Variants in CRB1 observed in about 807,000 individuals in gnomAD.
The protein encoded by CRB1 is crumbs cell polarity complex component 1.
CRB1 carries 83 observed loss-of-function variants against 120.0 expected under a neutral mutation model. The ratio of observed to expected loss-of-function variants is 0.69; its 90% CI spans 0.58 to 0.83. The LOEUF is 0.83. Ranked by LOEUF, CRB1 falls within the 40% of genes least tolerant of loss-of-function variation. CRB1 has a pLI of 0.00. For synonymous variants in CRB1, 625 were observed against 612.5 expected (o/e 1.02, Z -0.30); for missense variants, 1,699 against 1,687.6 (o/e 1.01, Z -0.12).
chr1:197,347,263 CA>C (rs1659828451), intron 3 of CRB1, 76 bp from the exon 4 acceptor site: 1 of 1,328,628 alleles, frequency 7.5e-7, no homozygotes, highest in African/African-American at 1.4e-5. Context: ...GGTTGATAGA[CA>C]GTTGAAGAAA....
chr1:197,310,587 G>C (rs1160388237), intron 1 of CRB1, among the ~76,000 whole-genome samples: 2 of 152,058 alleles, frequency 1.3e-5, no homozygotes, highest in Non-Finnish European at 2.9e-5. Context: ...AGAAGCTTTA[G>C]AGTTCTATCA....
intron 9 of CRB1, among the ~76,000 whole-genome samples, chr1:197,437,453 C>T (rs747706405): frequency 1.3e-5 from 2 of 152,216 alleles, no homozygotes; most frequent in African/African-American, 2.4e-5. Flanking sequence ...GTAACTACTT[C>T]TCCAGAATTT....
intron 1 of CRB1, among the ~76,000 whole-genome samples, chr1:197,270,610 A>G (rs1269806439): frequency 6.6e-6 from 1 of 152,176 alleles, no homozygotes; most frequent in Non-Finnish European, 1.5e-5. Flanking sequence ...GATAAACACT[A>G]TGAGCTTTAT....
chr1:197,458,876 GAGTAAAAGCACAGTATAAATTCAC>G (rs1442159801), intron 11 of CRB1, among the ~76,000 whole-genome samples: 2 of 152,140 alleles, frequency 1.3e-5, no homozygotes, highest in Non-Finnish European at 2.9e-5. Flanking sequence ...TTATGTTACT[GAGTAAAAGCACAGTATAAATTCAC>G]AGAAGTCTGA....
At chr1:197,458,754 A>C (rs1666395026) in intron 11 of CRB1, among the ~76,000 whole-genome samples, 1 of 152,176 alleles carries the variant, frequency 6.6e-6, no homozygotes, top group African/African-American at 2.4e-5. Flanking sequence ...GAGAGCAGGG[A>C]ATCTGTAAAA....
At chr1:197,378,075 T>C (rs1661739776) in intron 5 of CRB1, among the ~76,000 whole-genome samples, 1 of 152,256 alleles carries the variant, frequency 6.6e-6, no homozygotes, top group Non-Finnish European at 1.5e-5. Context: ...CAAGGTTTTG[T>C]TGACATGTAA....
chr1:197,250,445 A>G, the CRB1 span, among the ~76,000 whole-genome samples: 1 of 151,984 alleles, frequency 6.6e-6, no homozygotes, highest in Non-Finnish European at 1.5e-5. Flanking sequence ...TTTTCCAACA[A>G]ACTTTACGAT....
intron 1 of CRB1, among the ~76,000 whole-genome samples, chr1:197,283,748 G>T (rs377194196): frequency 6.6e-6 from 1 of 151,198 alleles, no homozygotes; most frequent in Non-Finnish European, 1.5e-5. Flanking sequence ...TTTGTTATAG[G>T]TTCTACATTT....
intron 5 of CRB1, among the ~76,000 whole-genome samples, chr1:197,379,886 A>G (rs1253589732): frequency 6.6e-6 from 1 of 152,196 alleles, no homozygotes; most frequent in Non-Finnish European, 1.5e-5. Flanking sequence ...GGAGTTACCT[A>G]GATAATTAGT....
At chr1:197,368,774 A>G (rs1478679903) in intron 5 of CRB1, among the ~76,000 whole-genome samples, 1 of 152,224 alleles carries the variant, frequency 6.6e-6, no homozygotes, top group East Asian at 1.9e-4. Flanking sequence ...GACAGGTGCC[A>G]ACTCTTCAAC....
chr1:197,469,589 G>C (rs904037735), intron 11 of CRB1, among the ~76,000 whole-genome samples: 1 of 152,102 alleles, frequency 6.6e-6, no homozygotes, highest in Non-Finnish European at 1.5e-5. Context: ...TGAATCTTTA[G>C]TTAGCAACCA....
chr1:197,474,682 A>G (rs1410894567), intron 11 of CRB1, among the ~76,000 whole-genome samples: 1 of 152,176 alleles, frequency 6.6e-6, no homozygotes, highest in Non-Finnish European at 1.5e-5. Context: ...AGGGCCTGGA[A>G]AAGTTTAGAA....
rs149749927 is a variant in CRB1, at chr1:197,303,404, A to G, written c.71-25018A>G. Among the ~76,000 whole-genome samples the G allele has an allele frequency of 5.7e-3, 861 of 151,254 alleles. 10 individuals carry two copies. Among genetic ancestry groups the G allele is most frequent in the African/African-American group, 0.02 (821 of 41,216 alleles). On this transcript the variant is annotated intron_variant, in intron 1 of 11. Coordinates refer to ENST00000367400, the MANE Select transcript of CRB1 (RefSeq NM_201253.3). Reference sequence around the variant, plus strand: ...GGTGTTTGGTTTTTTGTATGAAAAGAAGATCTTGTTCATTTTTCCTGTTTC... The same window carrying G: ...GGTGTTTGGTTTTTTGTATGAAAAGGAGATCTTGTTCATTTTTCCTGTTTC...
In CRB1 at chr1:197,344,395, G is replaced by A; in HGVS notation, c.767G>A (p.Gly256Glu). Residue 256 changes from glycine (G) to glutamate (E), a missense_variant, in exon 3 of 12, where the codon GGG becomes GAG. Coordinates refer to ENST00000367400, the MANE Select transcript of CRB1 (RefSeq NM_201253.3). ...TGCGACTGTGCCCCTGGATTCCTGG[G>A]GGATCACTGTGAACTCAACACTGAT... Reference protein sequence around the residue: ...YFCDCAPGFLGDHCELNTDEC... With the variant: ...YFCDCAPGFLEDHCELNTDEC... The A allele has an allele frequency of 5.0e-6, 8 of 1,614,084 alleles. No homozygotes were observed. The highest frequency in any genetic ancestry group is 1.6e-4 in the Middle Eastern group (1 of 6,062).
intron 1 of CRB1, among the ~76,000 whole-genome samples, chr1:197,286,168 T>G (rs1218931915): frequency 6.6e-6 from 1 of 151,902 alleles, no homozygotes; most frequent in Non-Finnish European, 1.5e-5. Context: ...TTCTTTTCCT[T>G]CATGTGGCAT....
the CRB1 span, among the ~76,000 whole-genome samples, chr1:197,218,364 A>T: frequency 1.3e-5 from 2 of 152,236 alleles, no homozygotes; most frequent in South Asian, 2.1e-4. Flanking sequence ...TGATTGCTAG[A>T]ACTCATTTAT....
chr1:197,282,402 T>C (rs534381002), intron 1 of CRB1, among the ~76,000 whole-genome samples: 1 of 151,936 alleles, frequency 6.6e-6, no homozygotes, highest in South Asian at 2.1e-4. Flanking sequence ...GTGTTCCTAC[T>C]CATTGGTCCA....
intron 1 of CRB1, among the ~76,000 whole-genome samples, chr1:197,269,058 C>A (rs554539617): frequency 6.6e-6 from 1 of 152,212 alleles, no homozygotes; most frequent in South Asian, 2.1e-4. Flanking sequence ...CACAAACTTC[C>A]CCAAATAGAA....
intron 11 of CRB1, among the ~76,000 whole-genome samples, chr1:197,453,524 G>A (rs867747970): frequency 5.3e-4 from 65 of 123,778 alleles, no homozygotes; most frequent in African/African-American, 1.7e-3. Context: ...GTGTGTGTGT[G>A]TATATATATA....
Sources: gnomAD v4.1 joint callset for allele counts (sites outside exome capture counted in the v4.1 genomes callset) on GRCh38, gnomAD v4.1.1 for gene constraint, MANE v1.5 for transcripts, NCBI Gene and HGNC (gene_info 2026-07-23, HGNC 2026-07-21) for gene names.